Variants in NUP210 observed in about 807,000 individuals in gnomAD.
NUP210 encodes the protein nuclear pore membrane glycoprotein 210.
In NUP210, 151 loss-of-function variants were observed where a neutral mutation model predicts 196.0. The ratio of observed to expected loss-of-function variants is 0.77; its 90% CI spans 0.67 to 0.88. NUP210 has a LOEUF of 0.88. Ranked by LOEUF, NUP210 falls within the 40% of genes least tolerant of loss-of-function variation. The probability of loss-of-function intolerance (pLI) is 0.00; values close to 1 mark genes in which losing one functional copy is unlikely to be tolerated. For synonymous variants in NUP210, 1,070 were observed against 1,052.7 expected (o/e 1.02, Z -0.32); for missense variants, 2,314 against 2,493.7 (o/e 0.93, Z 1.53).
intron 2 of NUP210, among the ~76,000 whole-genome samples, chr3:13,398,669 C>T (rs1051130536): frequency 1.7e-4 from 26 of 152,150 alleles, no homozygotes; most frequent in Non-Finnish European, 1.2e-4. Context: ...CATGTAATTC[C>T]GCCACTGTGG....
chr3:13,323,539 TC>T lies in NUP210; in HGVS notation c.4645-108del. ...AGTCTGTGACATAGTGTCACCCGTTTCACAGGTGGCAACACTGAGGCTCAAA... is the reference window on the plus strand; with the variant it reads ...AGTCTGTGACATAGTGTCACCCGTTTACAGGTGGCAACACTGAGGCTCAAA... On this transcript the variant is annotated intron_variant, in intron 33 of 39. Coordinates refer to ENST00000254508, the MANE Select transcript of NUP210 (RefSeq NM_024923.4). This position sits in a 1 kb window ranked among gnomAD's most constrained non-coding sequence, Gnocchi z 4.3. The T allele has an allele frequency of 1.5e-6, 2 of 1,307,352 alleles. No homozygotes were observed. Among genetic ancestry groups the T allele is most frequent in the Non-Finnish European group, 2.1e-6 (2 of 938,190 alleles). 81.0% of individuals were successfully genotyped at this position (1,307,352 alleles called of 1,614,324 possible). A position where few individuals can be genotyped will look rare whatever the true frequency, so the allele number is the denominator to read the frequency against.
Position 13,347,589 on chromosome 3 carries a change from C to T in NUP210, c.2836-4286G>A, listed in dbSNP as rs1181341311. 1.3e-5 allele frequency among the ~76,000 whole-genome samples: 2 copies of T among 152,114 alleles called. No homozygotes were observed. The highest frequency in any genetic ancestry group is 4.8e-5 in the African/African-American group (2 of 41,402). On this transcript the variant is annotated intron_variant, in intron 20 of 39. Transcript: ENST00000254508. This position sits in a 1 kb window ranked among gnomAD's most constrained non-coding sequence, Gnocchi z 4.7. ...TGCTGCGTGAGCCCCAGAGAGCCCCCCAGAGACACTCCAAAGCCACACATT... is the reference window on the plus strand; with the variant it reads ...TGCTGCGTGAGCCCCAGAGAGCCCCTCAGAGACACTCCAAAGCCACACATT...
intron 3 of NUP210, among the ~76,000 whole-genome samples, chr3:13,395,580 A>G (rs1361467183): frequency 6.6e-6 from 1 of 152,168 alleles, no homozygotes; most frequent in East Asian, 1.9e-4. Context: ...GGCCTCCCAA[A>G]GTGCTGGAAT....
intron 16 of NUP210, among the ~76,000 whole-genome samples, chr3:13,354,863 C>T (rs1698115004): frequency 6.6e-6 from 1 of 152,236 alleles, no homozygotes; most frequent in Admixed American, 6.5e-5. Flanking sequence ...TGGATTCCCA[C>T]CACTCTGGGG....
intron 2 of NUP210, 96 bp from the exon 3 acceptor site, chr3:13,397,584 G>T: frequency 7.5e-7 from 1 of 1,338,794 alleles, no homozygotes; most frequent in Non-Finnish European, 9.8e-7. Context: ...CAAAGACCAC[G>T]GCAACCACCA....
In NUP210 at chr3:13,327,433, C is replaced by T. The variant is rs377548786; in HGVS notation, c.4291G>A (p.Asp1431Asn). The change falls in exon 32 of 40, where the codon GAC (aspartate) becomes AAC (asparagine). Residue 1431 changes from aspartate to asparagine, a missense_variant. Asp to Asn is a conservative substitution (Grantham distance 23, BLOSUM62 1). Coordinates refer to ENST00000254508, the MANE Select transcript of NUP210 (RefSeq NM_024923.4). ...SVLNFATNRDDFVQIGKGPTN... is the reference protein window; with the variant it reads ...SVLNFATNRDNFVQIGKGPTN... ...GGGCCCTTCCCGATCTGCACAAAGT[C>T]GTCTCTAGGCACAGGAGAGAAAGGA... 3.9e-5 allele frequency: 62 copies of T among 1,606,922 alleles called. No individual in the cohort carries two copies. The highest frequency in any genetic ancestry group is 8.9e-5 in the East Asian group (4 of 44,726).
At chr3:13,334,533 T>C (rs919391583) in intron 28 of NUP210, among the ~76,000 whole-genome samples, 1 of 151,970 alleles carries the variant, frequency 6.6e-6, no homozygotes, top group African/African-American at 2.4e-5. Flanking sequence ...ATCAGGGAGG[T>C]GCTTGGGTTA....
chr3:13,334,026 A>C (rs533021088), intron 28 of NUP210, among the ~76,000 whole-genome samples: 3 of 152,060 alleles, frequency 2.0e-5, no homozygotes, highest in Non-Finnish European at 4.4e-5. Context: ...TTGCCTGCTG[A>C]TTTTGCTGTG....
intron 33 of NUP210, among the ~76,000 whole-genome samples, chr3:13,324,885 T>C (rs960508770): frequency 6.6e-6 from 1 of 152,234 alleles, no homozygotes; most frequent in Non-Finnish European, 1.5e-5. Context: ...CCCTAGGGGC[T>C]TCTGACGTGC....
At chr3:13,419,034 G>C (rs542186442) in intron 1 of NUP210, among the ~76,000 whole-genome samples, 1 of 151,224 alleles carries the variant, frequency 6.6e-6, no homozygotes, top group South Asian at 2.1e-4. Flanking sequence ...TCTGAGCTTC[G>C]GGCATCACAC....
chr3:13,327,241 CCAGA>C lies in NUP210; in HGVS notation c.4479_4482del (p.Cys1493TrpfsTer5), dbSNP rs767017749. On this transcript the variant is annotated frameshift_variant, in exon 32 of 40. Transcript: ENST00000254508. LOFTEE classifies it high-confidence loss of function. ...CCTTCCAGGCTGGTCAGAACAGTGGCCAGACAGAGCACGTCCCCCACCACCATGG... is the reference window on the plus strand; with the variant it reads ...CCTTCCAGGCTGGTCAGAACAGTGGCCAGAGCACGTCCCCCACCACCATGG... The C allele has an allele frequency of 1.9e-6, 3 of 1,613,134 alleles. No individual in the cohort carries two copies. The Admixed American group carries it at 5.0e-5, about 27-fold the overall frequency.
At chr3:13,332,083 G>GA (rs374469244) in intron 29 of NUP210, among the ~76,000 whole-genome samples, 102 of 152,216 alleles carry the variant, frequency 6.7e-4, no homozygotes, top group African/African-American at 2.5e-3. Context: ...CTACAAGGAG[G>GA]AAAAAGAGAC....
intron 1 of NUP210, among the ~76,000 whole-genome samples, chr3:13,401,258 T>TTAAAAA (rs1162470689): frequency 6.1e-5 from 1 of 16,506 alleles, no homozygotes; most frequent in Admixed American, 4.4e-4. Context: ...AGACTCTGGC[T>TTAAAAA]CAAAAAAAAA....
chr3:13,397,858 T>G (rs947831648), intron 2 of NUP210, among the ~76,000 whole-genome samples: 3 of 152,184 alleles, frequency 2.0e-5, no homozygotes, highest in Non-Finnish European at 4.4e-5. Flanking sequence ...TTCACTGAGA[T>G]TAGGGATTAC....
Position 13,323,058 on chromosome 3 carries a change from C to T in NUP210, c.4768+251G>A, listed in dbSNP as rs1696603850. 2.0e-5 allele frequency among the ~76,000 whole-genome samples: 3 copies of T among 152,198 alleles called. No individual in the cohort carries two copies. In the South Asian group the frequency reaches 6.2e-4, roughly 32 times the overall value. On this transcript the variant is annotated intron_variant, in intron 34 of 39. Transcript: ENST00000254508. This position sits in a 1 kb window ranked among gnomAD's most constrained non-coding sequence, Gnocchi z 4.3. ...CTAGGGTGCCCTCGGGCTGAAGTCA[C>T]ATTTCCAGTGCAGAACAGGCACCTT...
At chr3:13,351,811 CAATT>C (rs1410938887) in intron 20 of NUP210, 64 bp downstream of exon 20, 1 of 1,022,266 alleles carries the variant, frequency 9.8e-7, no homozygotes, top group African/African-American at 1.6e-5. Flanking sequence ...AATGATCAAT[CAATT>C]AACCACACAA....
chr3:13,332,472 G>T, intron 28 of NUP210, 88 bp from the exon 29 acceptor site: 1 of 1,014,168 alleles, frequency 9.9e-7, no homozygotes, highest in Non-Finnish European at 1.5e-6. Flanking sequence ...AGCAAGAGCC[G>T]AGGAGGGGCC....
chr3:13,402,691 C>T (rs569076878), intron 1 of NUP210, among the ~76,000 whole-genome samples: 9 of 144,022 alleles, frequency 6.2e-5, no homozygotes, highest in African/African-American at 2.0e-4. Flanking sequence ...ACACAGGCCA[C>T]GTTTTCATTT....
At chr3:13,352,274 C>T in intron 18 of NUP210, 90 bp from the exon 19 acceptor site, 4 of 936,698 alleles carry the variant, frequency 4.3e-6, no homozygotes, top group Non-Finnish European at 6.6e-6. Context: ...TAGGGCCTGG[C>T]CTTGCTCCTG....
Sources: allele counts gnomAD v4.1 joint callset (sites outside exome capture counted in the v4.1 genomes callset), GRCh38; gene constraint gnomAD v4.1.1; non-coding constraint Gnocchi (gnomAD v3.1); transcripts MANE v1.5; gene names NCBI Gene and HGNC (gene_info 2026-07-23, HGNC 2026-07-21).